The following ARNT2 variants were observed in gnomAD, a reference collection of about 807,000 sequenced individuals.
ARNT2 encodes ARNT protein 2.
In ARNT2, 36 loss-of-function variants were observed where a neutral mutation model predicts 91.7. The observed-to-expected ratio is 0.39, with a 90% CI of 0.30 to 0.52. ARNT2 has a LOEUF of 0.52. ARNT2 is among the 20% of genes least tolerant of loss of function. The probability of loss-of-function intolerance (pLI) is 0.72; values close to 1 mark genes in which losing one functional copy is unlikely to be tolerated. For synonymous variants in ARNT2, 365 were observed against 347.1 expected, an observed-to-expected ratio of 1.05 and a Z score of -0.57; for missense variants, 775 against 939.3, an observed-to-expected ratio of 0.83 and a Z score of 2.29.
At chr15:80,497,889 G>C (rs1424533414) in intron 5 of ARNT2, among the ~76,000 whole-genome samples, 1 of 152,224 alleles carries the variant, frequency 6.6e-6, no homozygotes, top group African/African-American at 2.4e-5. Context: ...AGGGAGAAGG[G>C]GGAAGGGAAG....
intron 5 of ARNT2, among the ~76,000 whole-genome samples, chr15:80,476,943 G>A (rs946255243): frequency 2.6e-5 from 4 of 152,184 alleles, no homozygotes; most frequent in African/African-American, 9.7e-5. Flanking sequence ...ATGGGGGTGG[G>A]TTCGCCTGAA....
rs1566982476 is a variant in ARNT2 at position 80,475,176 on chromosome 15, T to G, written c.575T>G (p.Val192Gly). 2 of 1,614,168 alleles carry G rather than the reference T, an allele frequency of 1.2e-6. No individual in the cohort carries two copies. Among genetic ancestry groups the G allele is most frequent in the Non-Finnish European group, 1.7e-6 (2 of 1,180,032 alleles). The change falls in exon 5 of 19, where the codon GTG (valine) becomes GGG (glycine). Residue 192 changes from valine (V) to glycine (G), a missense_variant. This residue lies in a region of ARNT2 where 285 missense variants were observed against 327.2 expected (regional missense o/e 0.87). Transcript: ENST00000303329. ...TLYEQVHPDD[V>G]EKLREQLCTS... The stretch of plus-strand genomic sequence containing the variant: ...TATGAACAGGTGCATCCTGATGACG[T>G]GGAGAAGCTGAGAGAGCAACTGTGC...
intron 1 of ARNT2, among the ~76,000 whole-genome samples, chr15:80,428,665 A>C (rs1490468537): frequency 1.8e-4 from 28 of 152,204 alleles, no homozygotes; most frequent in Non-Finnish European, 1.5e-5. Flanking sequence ...AGACTTTTTC[A>C]ATTTAAAAGG....
chr15:80,490,004 CT>C (rs541200822), intron 5 of ARNT2, among the ~76,000 whole-genome samples: 9 of 151,476 alleles, frequency 5.9e-5, no homozygotes, highest in East Asian at 5.8e-4. Context: ...TGCTTGTCAT[CT>C]TTTTTTTTCC....
intron 3 of ARNT2, among the ~76,000 whole-genome samples, chr15:80,468,548 C>T (rs758229818): frequency 8.5e-5 from 13 of 152,052 alleles, no homozygotes; most frequent in Non-Finnish European, 1.9e-4. Flanking sequence ...CAAAATAGAC[C>T]TCCTCTACTT....
chr15:80,535,733 T>G lies in ARNT2; in HGVS notation c.878-15466T>G, dbSNP rs534298007. 4.6e-5 allele frequency among the ~76,000 whole-genome samples: 7 copies of G among 150,812 alleles called. No individual in the cohort carries two copies. In the South Asian group the frequency reaches 1.5e-3, roughly 31 times the overall value. ...TGTTGTTTTGCATCACACAGGTTTTTTTTTTTTTTGTCTGTTTAAATAAAA... is the reference window on the plus strand; with the variant it reads ...TGTTGTTTTGCATCACACAGGTTTTGTTTTTTTTTGTCTGTTTAAATAAAA... On this transcript the variant is annotated intron_variant, in intron 8 of 18. Coordinates refer to ENST00000303329, the MANE Select transcript of ARNT2 (RefSeq NM_014862.4).
At chr15:80,501,285 A>G (rs1016604903) in intron 5 of ARNT2, among the ~76,000 whole-genome samples, 2 of 152,206 alleles carry the variant, frequency 1.3e-5, no homozygotes, top group African/African-American at 4.8e-5. Flanking sequence ...AGCCTTTAAA[A>G]TGAGGTTTGT....
intron 1 of ARNT2, among the ~76,000 whole-genome samples, chr15:80,421,332 C>A (rs566141565): frequency 6.8e-6 from 1 of 147,442 alleles, no homozygotes; most frequent in African/African-American, 2.5e-5. Context: ...ACTAAAATTT[C>A]GGCCTTCACT....
chr15:80,456,973 C>A (rs1468756783), intron 2 of ARNT2, among the ~76,000 whole-genome samples: 1 of 152,078 alleles, frequency 6.6e-6, no homozygotes, highest in Non-Finnish European at 1.5e-5. Context: ...AATGCAGGGA[C>A]TCTGAGACAT....
intron 1 of ARNT2, among the ~76,000 whole-genome samples, chr15:80,419,779 C>T (rs557196095): frequency 6.6e-6 from 1 of 152,324 alleles, no homozygotes; most frequent in African/African-American, 2.4e-5. Flanking sequence ...AGACACCATG[C>T]CGGTTCTTAG....
At position 80,513,822 on chromosome 15, in the gene ARNT2, A is replaced by G. The variant is rs137953103; in HGVS notation, c.726-89A>G. On this transcript the variant is annotated intron_variant, in intron 6 of 18. Coordinates refer to ENST00000303329, the MANE Select transcript of ARNT2 (RefSeq NM_014862.4). ...CACCTGAATAAATGTGTAAGCATCA[A>G]TTAAGGCTCATCTACTTGATGGCAG... The G allele has an allele frequency of 1.4e-3, 1,597 of 1,144,186 alleles. 20 individuals carry two copies. The East Asian group carries it at 0.018, about 13-fold the overall frequency. The allele number at this position is 1,144,186 out of a possible 1,614,324, so 70.9% of individuals were successfully genotyped here. A position where few individuals can be genotyped will look rare whatever the true frequency, so the allele number is the denominator to read the frequency against.
chr15:80,441,190 G>A, intron 1 of ARNT2: 8 of 983,838 alleles, frequency 8.1e-6, no homozygotes, highest in Non-Finnish European at 9.7e-6. Context: ...ATGCAAGACA[G>A]TTGTCACGGC....
intron 1 of ARNT2, among the ~76,000 whole-genome samples, chr15:80,416,702 A>G (rs968896158): frequency 1.3e-5 from 2 of 152,116 alleles, no homozygotes; most frequent in African/African-American, 4.8e-5. Flanking sequence ...TTTGCAAAAT[A>G]TCTCTCAATT....
rs550645659 is a variant in ARNT2, at chr15:80,462,578, T to G, written c.194+4602T>G. On this transcript the variant is annotated intron_variant, in intron 3 of 18. Transcript: ENST00000303329. ...CCTTTCTCAAAAGACCCTAAAGGCC[T>G]TCCAAGGAGTTCTCGTATCTGTTGC... Among the ~76,000 whole-genome samples the G allele has an allele frequency of 2.6e-5, 4 of 152,316 alleles. No individual in the cohort carries two copies. The South Asian group carries it at 8.3e-4, about 32-fold the overall frequency.
In ARNT2 at chr15:80,450,863, T is replaced by C; in HGVS notation, c.32-17T>C. On this transcript the variant is annotated splice_polypyrimidine_tract_variant and intron_variant, in intron 1 of 18. Transcript: ENST00000303329. ...TTTCTGGCATTGACAAAACCTCTTG[T>C]CTTTGCTGAATTCCAGAAATGGCTT... 2 of 1,613,380 alleles carry C rather than the reference T, an allele frequency of 1.2e-6. No homozygotes were observed. The highest frequency in any genetic ancestry group is 1.7e-6 in the Non-Finnish European group (2 of 1,179,280).
chr15:80,405,579 G>T (rs1464081623), intron 1 of ARNT2, among the ~76,000 whole-genome samples: 2 of 152,208 alleles, frequency 1.3e-5, no homozygotes, highest in African/African-American at 4.8e-5. Flanking sequence ...ATCTAAGGCG[G>T]CCAGGGAAGG....
chr15:80,417,736 AAC>A (rs1020430784), intron 1 of ARNT2, among the ~76,000 whole-genome samples: 12 of 152,162 alleles, frequency 7.9e-5, no homozygotes, highest in African/African-American at 2.9e-4. Context: ...CCCAGTAGTT[AAC>A]ACAATCCACT....
At chr15:80,523,850 A>G (rs1185609118) in intron 8 of ARNT2, among the ~76,000 whole-genome samples, 1 of 152,196 alleles carries the variant, frequency 6.6e-6, no homozygotes, top group Non-Finnish European at 1.5e-5. Flanking sequence ...AGGGTAACAG[A>G]GCAGTGGGAC....
intron 1 of ARNT2, among the ~76,000 whole-genome samples, chr15:80,413,485 A>G (rs12593988): frequency 0.81 from 124,029 of 152,232 alleles, 50,782 homozygotes; most frequent in East Asian, 0.98. Context: ...TAGGCAGGCC[A>G]TGGTGGTTAT....
Sources: allele counts gnomAD v4.1 joint callset (sites outside exome capture counted in the v4.1 genomes callset), GRCh38; gene constraint gnomAD v4.1.1; regional missense constraint gnomAD v4.1.1; transcripts MANE v1.5; gene names NCBI Gene and HGNC (gene_info 2026-07-23, HGNC 2026-07-21).